Variants in ABCD2 observed in about 807,000 individuals in gnomAD.
The protein encoded by ABCD2 is ATP binding cassette subfamily D member 2.
A neutral mutation model predicts 70.9 loss-of-function variants in ABCD2; 36 were observed. The observed-to-expected ratio is 0.51, with a 90% CI of 0.39 to 0.67. ABCD2 has a LOEUF of 0.67. Among genes scored for constraint, ABCD2 ranks in the 30% least tolerant of loss-of-function variants. The pLI, the probability that ABCD2 is intolerant of heterozygous loss-of-function variation, is 0.00. For missense variants in ABCD2, 729 were observed against 890.2 expected, an observed-to-expected ratio of 0.82 and a Z score of 2.30; for synonymous variants, 304 against 306.9, an observed-to-expected ratio of 0.99 and a Z score of 0.10.
intron 9 of ABCD2, among the ~76,000 whole-genome samples, chr12:39,567,828 C>T (rs1199553444): frequency 1.3e-5 from 2 of 152,132 alleles, no homozygotes; most frequent in Non-Finnish European, 2.9e-5. Context: ...CTAGTGGTGA[C>T]AAAATCTCTC....
intron 7 of ABCD2, among the ~76,000 whole-genome samples, chr12:39,581,615 T>C (rs1198422191): frequency 6.6e-6 from 1 of 152,192 alleles, no homozygotes; most frequent in Non-Finnish European, 1.5e-5. Context: ...ATTTGAGAAA[T>C]AGACTTGGAT....
chr12:39,594,380 A>T (rs924172072), intron 6 of ABCD2, among the ~76,000 whole-genome samples: 44 of 152,180 alleles, frequency 2.9e-4, no homozygotes, highest in Non-Finnish European at 5.7e-4. Flanking sequence ...GCACACACTA[A>T]TTGTTTGACA....
At position 39,616,793 on chromosome 12, in the gene ABCD2, C is replaced by T. The variant is rs78445944; in HGVS notation, c.1120+195G>A. Among the ~76,000 whole-genome samples the T allele has an allele frequency of 7.6e-3, 1,152 of 152,072 alleles. 16 individuals carry two copies. The highest frequency in any genetic ancestry group is 0.026 in the African/African-American group (1,061 of 41,498). On this transcript the variant is annotated intron_variant, in intron 2 of 9. Coordinates refer to ENST00000308666, the MANE Select transcript of ABCD2 (RefSeq NM_005164.4). ...CTCTGAAATAGCTCAGAACTGGGAA[C>T]GTCTTTGAACCACTGTCTCCTTATT...
chr12:39,532,669 A>C, the ABCD2 span, among the ~76,000 whole-genome samples: 3 of 152,236 alleles, frequency 2.0e-5, no homozygotes, highest in Admixed American at 2.0e-4. Context: ...ATTACAAAAA[A>C]ACTGGAAACA....
intron 7 of ABCD2, among the ~76,000 whole-genome samples, chr12:39,585,288 G>A (rs1941649872): frequency 6.6e-6 from 1 of 152,096 alleles, no homozygotes; most frequent in Admixed American, 6.5e-5. Context: ...ATTGTGAAGG[G>A]GATTGCCTTC....
At chr12:39,591,904 G>GA (rs1198084076) in intron 6 of ABCD2, among the ~76,000 whole-genome samples, 3 of 152,192 alleles carry the variant, frequency 2.0e-5, no homozygotes, top group African/African-American at 7.2e-5. Flanking sequence ...CATAAAATGA[G>GA]AAAAACTTTT....
intron 6 of ABCD2, among the ~76,000 whole-genome samples, chr12:39,591,152 G>C (rs886833354): frequency 1.3e-5 from 2 of 152,054 alleles, no homozygotes; most frequent in African/African-American, 2.4e-5. Context: ...AATCTGAAAG[G>C]CATAAAATTT....
At chr12:39,545,037 A>G (rs190554517), downstream of ABCD2, among the ~76,000 whole-genome samples, 1 of 152,322 alleles carries the variant, frequency 6.6e-6, no homozygotes. Flanking sequence ...AAAACACCTC[A>G]AAAACAGCTA....
chr12:39,593,589 T>G (rs1941775268), intron 6 of ABCD2, among the ~76,000 whole-genome samples: 2 of 152,308 alleles, frequency 1.3e-5, no homozygotes, highest in South Asian at 4.1e-4. Context: ...AAAGCTTATT[T>G]GGTGCAAGTA....
the ABCD2 span, among the ~76,000 whole-genome samples, chr12:39,544,342 G>A: frequency 2.6e-4 from 40 of 152,224 alleles, no homozygotes; most frequent in Middle Eastern, 0.01. Flanking sequence ...AGTTTAGGGA[G>A]GGTAGGAATC....
chr12:39,545,617 G>A (rs571897387), downstream of ABCD2, among the ~76,000 whole-genome samples: 6 of 152,232 alleles, frequency 3.9e-5, no homozygotes, highest in East Asian at 1.2e-3. Context: ...TTTCTAACAG[G>A]CTCTATTATT....
intron 9 of ABCD2, among the ~76,000 whole-genome samples, chr12:39,572,884 A>G (rs1941467014): frequency 6.6e-6 from 1 of 152,118 alleles, no homozygotes; most frequent in African/African-American, 2.4e-5. Flanking sequence ...AAAAGAAAAA[A>G]TTTTCATTGA....
chr12:39,544,435 C>T, the ABCD2 span, among the ~76,000 whole-genome samples: 1 of 152,120 alleles, frequency 6.6e-6, no homozygotes, highest in East Asian at 1.9e-4. Flanking sequence ...AATCTAGTCC[C>T]CAGGCAAGAA....
chr12:39,534,677 G>GGGAAGGAAGGAA, the ABCD2 span, among the ~76,000 whole-genome samples: 3 of 80,758 alleles, frequency 3.7e-5, no homozygotes, highest in East Asian at 3.8e-4. Flanking sequence ...AAGAGAGAGA[G>GGGAAGGAAGGAA]GGAAGGAAGG....
the ABCD2 span, among the ~76,000 whole-genome samples, chr12:39,539,189 T>C: frequency 1.3e-5 from 2 of 151,700 alleles, no homozygotes; most frequent in African/African-American, 4.8e-5. Context: ...CAGTGCAGAC[T>C]AAAAGAAATG....
chr12:39,618,584 G>C, intron 1 of ABCD2, 93 bp downstream of exon 1: 1 of 1,096,678 alleles, frequency 9.1e-7, no homozygotes, highest in Non-Finnish European at 1.3e-6. Flanking sequence ...CTAAAGAAGT[G>C]GGTCCATCGA....
In ABCD2 at chr12:39,586,355, G is replaced by A. The variant is rs1941666919; in HGVS notation, c.1647-58C>T. The A allele has an allele frequency of 3.9e-6, 6 of 1,544,464 alleles. No individual in the cohort carries two copies. The Middle Eastern group carries it at 5.2e-4, about 134-fold the overall frequency. On this transcript the variant is annotated intron_variant, in intron 6 of 9. Coordinates refer to ENST00000308666, the MANE Select transcript of ABCD2 (RefSeq NM_005164.4). The stretch of plus-strand genomic sequence containing the variant: ...GGAAAGTCATGATAACTTACTCAGT[G>A]TGACAACTTGGTAGTCTGAAAACAT...
rs1399904027 is a variant in ABCD2 at position 39,617,075 on chromosome 12, G to A, written c.1033C>T (p.Gln345Ter). Residue 345 changes from glutamine (Q) to a stop codon, truncating the protein, a stop_gained, in exon 2 of 10, where the codon CAG becomes TAG. Coordinates refer to ENST00000308666, the MANE Select transcript of ABCD2 (RefSeq NM_005164.4). LOFTEE classifies it high-confidence loss of function. ...CTCCAAACATACTTCATCAGGAACT[G>A]TTCTATCATGATGTACCACAAACGT... The part of the protein sequence containing the change: ...SKRLWYIMIE[Q>*]FLMKYVWSSS... 1 of 1,612,992 alleles carries A rather than the reference G, an allele frequency of 6.2e-7. No homozygotes were observed. Among genetic ancestry groups the A allele is most frequent in the Non-Finnish European group, 8.5e-7 (1 of 1,179,282 alleles).
rs1009715009 is a variant in ABCD2, at chr12:39,550,841, G to A, written c.*3071C>T. On this transcript the variant is annotated 3_prime_UTR_variant, in exon 10 of 10. Transcript: ENST00000308666. ...GAAGTGTGTAACATTCTCTGGACTT[G>A]GGTTTCAATGTGTAACAGATTTTCC... 2 of 151,446 alleles carry A rather than the reference G, an allele frequency of 1.3e-5. No homozygotes were observed. Among genetic ancestry groups the A allele is most frequent in the African/African-American group, 4.8e-5 (2 of 41,356 alleles). 9.4% of individuals were successfully genotyped at this position (151,446 alleles called of 1,614,324 possible).
Sources: gnomAD v4.1 joint callset for allele counts (sites outside exome capture counted in the v4.1 genomes callset) on GRCh38, gnomAD v4.1.1 for gene constraint, MANE v1.5 for transcripts, NCBI Gene and HGNC (gene_info 2026-07-23, HGNC 2026-07-21) for gene names.